CCDC15: variants seen among roughly 807,000 people sequenced by gnomAD.
CCDC15 encodes the protein coiled-coil domain-containing protein 15.
A neutral mutation model predicts 114.5 loss-of-function variants in CCDC15; 105 were observed. That is an observed-to-expected ratio of 0.92 (90% confidence interval 0.78 to 1.08). The LOEUF is 1.08. Among genes scored for constraint, CCDC15 ranks in the 50% least tolerant of loss-of-function variants. The pLI, the probability that CCDC15 is intolerant of heterozygous loss-of-function variation, is 0.00. For missense variants in CCDC15, 1,105 were observed against 1,093.6 expected, an observed-to-expected ratio of 1.01 and a Z score of -0.15; for synonymous variants, 334 against 377.8, an observed-to-expected ratio of 0.88 and a Z score of 1.34.
chr11:124,969,888 G>T (rs1186429167), intron 4 of CCDC15, among the ~76,000 whole-genome samples: 1 of 152,164 alleles, frequency 6.6e-6, no homozygotes, highest in Non-Finnish European at 1.5e-5. Context: ...GTGAGCTCCA[G>T]TGACCCCAAG....
chr11:124,959,400 A>C (rs1947616522), intron 3 of CCDC15, 136 bp downstream of exon 3: 5 of 795,068 alleles, frequency 6.3e-6, no homozygotes, highest in Non-Finnish European at 7.4e-6. Context: ...GAAGACAGTA[A>C]ATTTTTTTTG....
intron 13 of CCDC15, among the ~76,000 whole-genome samples, chr11:125,007,243 C>T (rs996363931): frequency 1.3e-5 from 2 of 152,196 alleles, no homozygotes; most frequent in African/African-American, 4.8e-5. Context: ...CCTCTCCTCC[C>T]TTCCCACCCT....
At chr11:124,973,820 C>T (rs1947926960) in intron 4 of CCDC15, among the ~76,000 whole-genome samples, 1 of 151,952 alleles carries the variant, frequency 6.6e-6, no homozygotes, top group African/African-American at 2.4e-5. Flanking sequence ...GTAGAGAAGT[C>T]ATAACCATCA....
At chr11:125,032,547 A>G (rs890035787) in intron 13 of CCDC15, among the ~76,000 whole-genome samples, 3 of 152,168 alleles carry the variant, frequency 2.0e-5, no homozygotes, top group African/African-American at 7.2e-5. Context: ...GGAATCACCA[A>G]CCCTGCATCT....
intron 11 of CCDC15, 104 bp from the exon 12 acceptor site, chr11:125,003,763 G>A (rs1948516132): frequency 6.3e-6 from 4 of 632,022 alleles, no homozygotes; most frequent in Non-Finnish European, 1.1e-5. Flanking sequence ...TTATCCAATT[G>A]AGCCCAAGTT....
rs1193668260 is a variant in CCDC15, at chr11:124,991,546, C to T, written c.1994C>T (p.Pro665Leu). Reference protein sequence around the residue: ...DFSLADYQCLPPKSQDQDDIK... With the variant: ...DFSLADYQCLLPKSQDQDDIK... ...TCTCTGGCAGACTATCAGTGTTTGC[C>T]TCCCAAATCCCAGGACCAGGATGAC... Residue 665 changes from proline to leucine, a missense_variant, in exon 9 of 16, where the codon CCT (proline) becomes CTT (leucine). Transcript: ENST00000344762. 1 of 1,609,388 alleles carries T rather than the reference C, an allele frequency of 6.2e-7. No homozygotes were observed. The highest frequency in any genetic ancestry group is 1.1e-5 in the South Asian group (1 of 90,174).
At position 125,038,375 on chromosome 11, in the gene CCDC15, T is replaced by C. The variant is rs1233305303; in HGVS notation, c.2412-56T>C. 5.2e-6 allele frequency: 6 copies of C among 1,149,822 alleles called. No homozygotes were observed. The South Asian group carries it at 6.7e-5, about 13-fold the overall frequency. The allele number at this position is 1,149,822 out of a possible 1,614,324, so 71.2% of individuals were successfully genotyped here. A position where few individuals can be genotyped will look rare whatever the true frequency, so the allele number is the denominator to read the frequency against. On this transcript the variant is annotated intron_variant, in intron 13 of 15. Transcript: ENST00000344762. The stretch of plus-strand genomic sequence containing the variant: ...CTGGGAGTTATTTGGATAAAGAAGC[T>C]AATTTTAAATAATAATTTTATGAAA...
rs1222720400 is a variant in CCDC15 at position 124,962,059 on chromosome 11, T to C, written c.516+2056T>C. Among the ~76,000 whole-genome samples the C allele has an allele frequency of 2.0e-5, 3 of 152,116 alleles. No individual in the cohort carries two copies. In the East Asian group the frequency reaches 5.8e-4, roughly 29 times the overall value. ...CCACACTTTTTTTTTTAAAAGGACATGAACTACTGAAGAATGCTCAGTGAC... is the reference window on the plus strand; with the variant it reads ...CCACACTTTTTTTTTTAAAAGGACACGAACTACTGAAGAATGCTCAGTGAC... On this transcript the variant is annotated intron_variant, in intron 4 of 15. Coordinates refer to ENST00000344762, the MANE Select transcript of CCDC15 (RefSeq NM_025004.3).
At chr11:124,998,459 C>T (rs1948412669) in intron 11 of CCDC15, among the ~76,000 whole-genome samples, 1 of 152,116 alleles carries the variant, frequency 6.6e-6, no homozygotes, top group Non-Finnish European at 1.5e-5. Flanking sequence ...TTCATTCTAA[C>T]TGACCTATTA....
chr11:124,958,222 C>T (rs1474794628), intron 2 of CCDC15, among the ~76,000 whole-genome samples: 3 of 152,190 alleles, frequency 2.0e-5, no homozygotes, highest in African/African-American at 7.2e-5. Flanking sequence ...AGATCAAGAA[C>T]TCAAATGGGA....
rs1948267611 is a variant in CCDC15, at chr11:124,991,493, G to A, written c.1941G>A (p.Met647Ile). Residue 647 changes from methionine to isoleucine, a missense_variant, in exon 9 of 16, where the codon ATG (methionine) becomes ATA (isoleucine). By Grantham distance (10) the Met-to-Ile change is conservative. Transcript: ENST00000344762. ...KVHFKEPYSD[M>I]TDEKGREDFS... ...ACTTTAAGGAGCCATACTCTGATAT[G>A]ACAGATGAGAAAGGGAGAGAAGACT... is the stretch of plus-strand genomic sequence containing the variant. 2 of 1,599,706 alleles carry A rather than the reference G, an allele frequency of 1.3e-6. No homozygotes were observed. The highest frequency in any genetic ancestry group is 1.7e-6 in the Non-Finnish European group (2 of 1,168,058).
chr11:125,031,577 AG>A (rs1193486262), intron 13 of CCDC15, among the ~76,000 whole-genome samples: 2 of 152,220 alleles, frequency 1.3e-5, no homozygotes, highest in Non-Finnish European at 2.9e-5. Flanking sequence ...ACCAAAGTCC[AG>A]TAACAGGCTA....
Position 124,994,776 on chromosome 11 carries a change from G to T in CCDC15, c.2214+1533G>T, listed in dbSNP as rs144492346. Among the ~76,000 whole-genome samples the T allele has an allele frequency of 1.2e-3, 183 of 152,236 alleles. 1 individual carries two copies. The highest frequency in any genetic ancestry group is 4.2e-3 in the African/African-American group (175 of 41,542). On this transcript the variant is annotated intron_variant, in intron 11 of 15. Transcript: ENST00000344762. ...TTCAAGAAAATGTTACAACATCCTG[G>T]CCTACTAAGATTTTTCCGTGGCTTA...
chr11:125,040,926 G>C lies in CCDC15; in HGVS notation c.*215G>C, dbSNP rs1948813407. On this transcript the variant is annotated 3_prime_UTR_variant, in exon 16 of 16. Coordinates refer to ENST00000344762, the MANE Select transcript of CCDC15 (RefSeq NM_025004.3). Reference sequence around the variant, plus strand: ...TCTCTTCTGTCTTGTGAACCATACGGAGCCTATTATTTTAAAATATGATCA... The same window carrying C: ...TCTCTTCTGTCTTGTGAACCATACGCAGCCTATTATTTTAAAATATGATCA... 1 of 507,424 alleles carries C rather than the reference G, an allele frequency of 2.0e-6. No individual in the cohort carries two copies. The highest frequency in any genetic ancestry group is 1.9e-5 in the African/African-American group (1 of 52,200). The allele number at this position is 507,424 out of a possible 1,614,324, so 31.4% of individuals were successfully genotyped here. A position where few individuals can be genotyped will look rare whatever the true frequency, so the allele number is the denominator to read the frequency against.
rs1038682718 is a variant in CCDC15, at chr11:125,035,151, A to G, written c.2412-3280A>G. On this transcript the variant is annotated intron_variant, in intron 13 of 15. Coordinates refer to ENST00000344762, the MANE Select transcript of CCDC15 (RefSeq NM_025004.3). ...ATTCACGTTCTTCTGCCTGGTTTTT[A>G]TTCTGGCCACGCTGGCAGTTGATAA... Among the ~76,000 whole-genome samples the G allele has an allele frequency of 8.5e-5, 13 of 152,060 alleles. 1 individual carries two copies. Among genetic ancestry groups the G allele is most frequent in the Admixed American group, 5.2e-4 (8 of 15,280 alleles).
In CCDC15 at chr11:124,986,816, G is replaced by T; in HGVS notation, c.828G>T (p.Leu276Phe). 1 of 1,555,320 alleles carries T rather than the reference G, an allele frequency of 6.4e-7. No homozygotes were observed. The highest frequency in any genetic ancestry group is 2.4e-5 in the East Asian group (1 of 41,376). The change falls in exon 7 of 16, where the codon TTG (leucine) becomes TTT (phenylalanine). Residue 276 changes from leucine (L) to phenylalanine (F), a missense_variant. By Grantham distance (22) the Leu-to-Phe change is conservative. Coordinates refer to ENST00000344762, the MANE Select transcript of CCDC15 (RefSeq NM_025004.3). ...LVTDEKGKED[L>F]FGRGQQDQQA... ...CTGATGAGAAAGGGAAAGAAGATTT[G>T]TTTGGGAGAGGCCAGCAGGACCAGC...
chr11:124,962,648 C>CTTTTTTTTTTTTTTT (rs11286590), intron 4 of CCDC15, among the ~76,000 whole-genome samples: 1 of 147,780 alleles, frequency 6.8e-6, no homozygotes. Flanking sequence ...GAATTCAGTT[C>CTTTTTTTTTTTTTTT]TTTTTTTTTT....
intron 13 of CCDC15, among the ~76,000 whole-genome samples, chr11:125,013,582 G>A (rs1948610183): frequency 6.6e-6 from 1 of 152,096 alleles, no homozygotes; most frequent in Non-Finnish European, 1.5e-5. Context: ...AGATTTTGAT[G>A]ACCAAATTCT....
At chr11:124,986,151 A>G (rs1185019663) in intron 6 of CCDC15, among the ~76,000 whole-genome samples, 1 of 152,180 alleles carries the variant, frequency 6.6e-6, no homozygotes, top group Non-Finnish European at 1.5e-5. Flanking sequence ...ACTCTTGTCA[A>G]AAATCAATTG....
Sources: allele counts gnomAD v4.1 joint callset (sites outside exome capture counted in the v4.1 genomes callset), GRCh38; gene constraint gnomAD v4.1.1; transcripts MANE v1.5; gene names NCBI Gene and HGNC (gene_info 2026-07-23, HGNC 2026-07-21).